PTPRT: variants seen among roughly 807,000 people sequenced by gnomAD.
PTPRT encodes receptor-type tyrosine-protein phosphatase T.
PTPRT carries 56 observed loss-of-function variants against 176.8 expected under a neutral mutation model. The observed-to-expected ratio is 0.32, with a 90% CI of 0.26 to 0.40. PTPRT has a LOEUF of 0.40. PTPRT is among the 10% of genes least tolerant of loss of function. The pLI is 1.00. For synonymous variants in PTPRT, 783 were observed against 739.0 expected, an observed-to-expected ratio of 1.06 and a Z score of -0.96; for missense variants, 1,540 against 1,908.2, an observed-to-expected ratio of 0.81 and a Z score of 3.60.
At chr20:42,291,993 G>T (rs1466449290) in intron 12 of PTPRT, among the ~76,000 whole-genome samples, 1 of 152,140 alleles carries the variant, frequency 6.6e-6, no homozygotes, top group Admixed American at 6.5e-5. Context: ...TGGTGGTATA[G>T]TCGAATGATG....
chr20:42,179,888 G>A (rs531210103), intron 16 of PTPRT, among the ~76,000 whole-genome samples: 42 of 152,302 alleles, frequency 2.8e-4, no homozygotes, highest in Admixed American at 3.9e-4. Flanking sequence ...AGTATAGCCA[G>A]CTGTAGTAAT....
chr20:42,320,720 G>A (rs1249554773), intron 11 of PTPRT, among the ~76,000 whole-genome samples: 1 of 152,152 alleles, frequency 6.6e-6, no homozygotes, highest in Non-Finnish European at 1.5e-5. Context: ...GTCTTAGCCT[G>A]ATCTCATAGG....
intron 7 of PTPRT, among the ~76,000 whole-genome samples, chr20:42,633,009 T>G (rs1054617037): frequency 6.6e-6 from 1 of 152,194 alleles, no homozygotes; most frequent in Non-Finnish European, 1.5e-5. Flanking sequence ...AAGCTCTGCC[T>G]CATGGAATAA....
At chr20:42,368,981 T>A (rs1355211218) in intron 9 of PTPRT, among the ~76,000 whole-genome samples, 1 of 151,864 alleles carries the variant, frequency 6.6e-6, no homozygotes, top group African/African-American at 2.4e-5. Flanking sequence ...TTTTTTTTCT[T>A]CCCTTTCCTT....
chr20:43,164,209 A>T (rs534126789), intron 1 of PTPRT, among the ~76,000 whole-genome samples: 6 of 152,336 alleles, frequency 3.9e-5, no homozygotes, highest in Non-Finnish European at 8.8e-5. Flanking sequence ...GTTTGCTGTT[A>T]GGGACAAGGA....
intron 17 of PTPRT, among the ~76,000 whole-genome samples, chr20:42,159,538 G>A (rs969587622): frequency 2.0e-5 from 3 of 151,956 alleles, no homozygotes; most frequent in African/African-American, 7.3e-5. Context: ...TGCACCCTAT[G>A]TCCCAGAGAC....
chr20:42,557,619 G>C (rs1439175574), intron 7 of PTPRT, among the ~76,000 whole-genome samples: 3 of 152,114 alleles, frequency 2.0e-5, no homozygotes, highest in Non-Finnish European at 2.9e-5. Flanking sequence ...AGAGCAAATG[G>C]ATCCAGACAA....
At chr20:42,648,370 G>A (rs1185807974) in intron 7 of PTPRT, among the ~76,000 whole-genome samples, 2 of 152,150 alleles carry the variant, frequency 1.3e-5, no homozygotes, top group African/African-American at 4.8e-5. Context: ...ACCAAGCCCG[G>A]CAGAGAGAGA....
chr20:42,442,022 G>A (rs2059320928), intron 9 of PTPRT, among the ~76,000 whole-genome samples: 1 of 152,140 alleles, frequency 6.6e-6, no homozygotes, highest in Non-Finnish European at 1.5e-5. Context: ...CTCCTCTGTG[G>A]ACCAGAGTCA....
intron 7 of PTPRT, among the ~76,000 whole-genome samples, chr20:42,652,348 A>G (rs534851798): frequency 4.6e-5 from 7 of 152,152 alleles, no homozygotes; most frequent in South Asian, 4.1e-4. Context: ...TACTTGCTCA[A>G]TGCTGGACCA....
chr20:42,807,346 G>T (rs954391649), intron 2 of PTPRT, among the ~76,000 whole-genome samples: 7 of 152,170 alleles, frequency 4.6e-5, no homozygotes, highest in Non-Finnish European at 1.0e-4. Context: ...TCACTTTCCA[G>T]TGTTGCTATG....
chr20:42,904,159 C>T (rs1364605254), intron 1 of PTPRT, among the ~76,000 whole-genome samples: 1 of 152,176 alleles, frequency 6.6e-6, no homozygotes, highest in African/African-American at 2.4e-5. Context: ...TTGGAACAAG[C>T]ACTCAGCAAC....
At chr20:42,606,956 T>A (rs1394990293) in intron 7 of PTPRT, 1 of 152,176 alleles carries the variant, frequency 6.6e-6, no homozygotes, top group Non-Finnish European at 1.5e-5. Context: ...CAAGTGCTCA[T>A]GGATGAATGA....
intron 6 of PTPRT, among the ~76,000 whole-genome samples, chr20:42,736,715 G>C (rs913004891): frequency 1.3e-5 from 2 of 152,216 alleles, no homozygotes; most frequent in African/African-American, 2.4e-5. Context: ...GAGACACGGG[G>C]TACAATTTAT....
chr20:42,510,442 CT>C (rs1312058671), intron 7 of PTPRT, among the ~76,000 whole-genome samples: 3 of 152,026 alleles, frequency 2.0e-5, no homozygotes, highest in African/African-American at 7.3e-5. Flanking sequence ...AATTCACATG[CT>C]ATAACGTGTG....
At chr20:42,288,512 C>A (rs2057268004) in intron 12 of PTPRT, among the ~76,000 whole-genome samples, 1 of 151,892 alleles carries the variant, frequency 6.6e-6, no homozygotes. Flanking sequence ...CCTTGCCTCT[C>A]TCCCTCTTTC....
chr20:43,090,117 A>G (rs1465784073), intron 1 of PTPRT, among the ~76,000 whole-genome samples: 8 of 152,224 alleles, frequency 5.3e-5, no homozygotes, highest in East Asian at 1.9e-4. Context: ...GGAGGCAAAC[A>G]ATACCAAAGA....
chr20:42,726,029 A>G (rs1004611568), intron 6 of PTPRT, among the ~76,000 whole-genome samples: 20 of 151,374 alleles, frequency 1.3e-4, no homozygotes, highest in African/African-American at 3.9e-4. Flanking sequence ...ATACATTCAT[A>G]GATTCTGGAC....
At chr20:42,908,769 A>G (rs1407323704) in intron 1 of PTPRT, among the ~76,000 whole-genome samples, 1 of 152,214 alleles carries the variant, frequency 6.6e-6, no homozygotes, top group African/African-American at 2.4e-5. Context: ...GTGATTGTCC[A>G]CTGAGTAATC....
Sources: allele counts gnomAD v4.1 joint callset (sites outside exome capture counted in the v4.1 genomes callset), GRCh38; gene constraint gnomAD v4.1.1; transcripts MANE v1.5; gene names NCBI Gene and HGNC (gene_info 2026-07-23, HGNC 2026-07-21).